The following NUDC variants were observed in gnomAD, a reference collection of about 807,000 sequenced individuals.
NUDC encodes the protein nuclear distribution C, dynein complex regulator.
Under a neutral mutation model 45.0 loss-of-function variants are expected in NUDC, and 14 were observed. The ratio of observed to expected loss-of-function variants is 0.31; its 90% CI spans 0.21 to 0.49. The LOEUF is 0.49. Among genes scored for constraint, NUDC ranks in the 20% least tolerant of loss-of-function variants. The probability of loss-of-function intolerance (pLI) is 0.99; values close to 1 mark genes in which losing one functional copy is unlikely to be tolerated. For missense variants in NUDC, 323 were observed against 426.2 expected, an observed-to-expected ratio of 0.76 and a Z score of 2.13; for synonymous variants, 153 against 156.7, an observed-to-expected ratio of 0.98 and a Z score of 0.17.
At chr1:26,944,064 T>G (rs562664817) in intron 6 of NUDC, among the ~76,000 whole-genome samples, 1 of 152,006 alleles carries the variant, frequency 6.6e-6, no homozygotes, top group Admixed American at 6.6e-5. Flanking sequence ...TCTGTTTTGT[T>G]TTCTATTTTT....
In NUDC at chr1:26,934,113, A is replaced by G. The variant is rs115929997; in HGVS notation, c.160-7344A>G. On this transcript the variant is annotated intron_variant, in intron 2 of 8. Coordinates refer to ENST00000321265, the MANE Select transcript of NUDC (RefSeq NM_006600.4). ...GGTTGCAGTGAGTCGAGATTGTGCT[A>G]TGGCACTCCAGCCTGTCGAGAGAGC... Among the ~76,000 whole-genome samples, 290 of 152,330 alleles carry G rather than the reference A, an allele frequency of 1.9e-3. 1 individual carries two copies. The highest frequency in any genetic ancestry group is 3.1e-3 in the Non-Finnish European group (213 of 68,028).
intron 6 of NUDC, among the ~76,000 whole-genome samples, chr1:26,943,977 A>G (rs1458509261): frequency 1.3e-5 from 2 of 151,538 alleles, no homozygotes; most frequent in East Asian, 3.9e-4. Context: ...TCCTGGGTTC[A>G]TGCCATTCTC....
chr1:26,933,616 G>T (rs1557676875), intron 2 of NUDC, among the ~76,000 whole-genome samples: 1 of 151,530 alleles, frequency 6.6e-6, no homozygotes, highest in Admixed American at 6.6e-5. Context: ...GTTTCACCAT[G>T]TTGGCCAGGT....
chr1:26,917,881 C>T (rs1156268440), upstream of NUDC, among the ~76,000 whole-genome samples: 1 of 148,216 alleles, frequency 6.7e-6, no homozygotes, highest in Non-Finnish European at 1.5e-5. Context: ...AGTGAGACTG[C>T]GTCTCAAAAA....
upstream of NUDC, among the ~76,000 whole-genome samples, chr1:26,919,949 G>T (rs2082080499): frequency 2.0e-5 from 3 of 152,204 alleles, no homozygotes; most frequent in South Asian, 6.2e-4. Flanking sequence ...GCAAGGCCCT[G>T]CCCTCAAGAG....
chr1:26,933,227 C>T (rs2082198028), intron 2 of NUDC, among the ~76,000 whole-genome samples: 1 of 151,626 alleles, frequency 6.6e-6, no homozygotes, highest in African/African-American at 2.4e-5. Context: ...ACCACCGCGC[C>T]CGGCCACAAT....
At chr1:26,908,588 C>T (rs949757958) in intron 2 of NUDC, among the ~76,000 whole-genome samples, 1 of 152,110 alleles carries the variant, frequency 6.6e-6, no homozygotes, top group Admixed American at 6.6e-5. Context: ...GAGACAGGGT[C>T]TTGCTCTGTC....
chr1:26,945,203 T>C (rs2082308685), intron 6 of NUDC, 187 bp from the exon 7 acceptor site: 1 of 641,014 alleles, frequency 1.6e-6, no homozygotes, highest in Non-Finnish European at 2.8e-6. Context: ...GATTTGTAAC[T>C]CTTTGCCTCT....
upstream of NUDC, among the ~76,000 whole-genome samples, chr1:26,919,313 G>GTA (rs1428567175): frequency 1.3e-5 from 2 of 151,986 alleles, no homozygotes; most frequent in Non-Finnish European, 2.9e-5. Context: ...TGTTACATAT[G>GTA]TATACATGTG....
intron 6 of NUDC, among the ~76,000 whole-genome samples, chr1:26,944,671 G>A (rs993116040): frequency 5.3e-5 from 8 of 151,922 alleles, no homozygotes; most frequent in African/African-American, 1.2e-4. Flanking sequence ...GCATGGTGGT[G>A]GGCGCCTGTA....
intron 3 of NUDC, chr1:26,911,649 G>T (rs947967126): frequency 3.4e-5 from 22 of 645,326 alleles, no homozygotes; most frequent in Non-Finnish European, 6.1e-5. Context: ...AAGCCTCCCA[G>T]GCAGCTGGAA....
chr1:26,901,223 G>A (rs2081977193), intron 1 of NUDC, among the ~76,000 whole-genome samples: 2 of 150,962 alleles, frequency 1.3e-5, no homozygotes, highest in South Asian at 2.1e-4. Context: ...CTGGAGTGCT[G>A]GGACCACAGA....
At chr1:26,928,854 G>A (rs35496827) in intron 2 of NUDC, among the ~76,000 whole-genome samples, 2,639 of 152,296 alleles carry the variant, frequency 0.017, 41 homozygotes, top group Non-Finnish European at 0.025. Context: ...TATGGAAAAC[G>A]TTATGGCGGT....
In NUDC at chr1:26,911,767, G is replaced by A. The variant is rs953374399; in HGVS notation, c.93+532G>A. 8.2e-6 allele frequency: 13 copies of A among 1,581,324 alleles called. No homozygotes were observed. The African/African-American group carries it at 1.7e-4, about 21-fold the overall frequency. On this transcript the variant is annotated intron_variant, in intron 3 of 6. Coordinates refer to the NUDC transcript ENST00000435827. ...AGGCTTGCCCCCTCCAGGAGCATTG[G>A]GTCACCTCTGGGGATGGCCAGGCTG...
chr1:26,940,368 C>T (rs189360715), intron 2 of NUDC, among the ~76,000 whole-genome samples: 4 of 151,830 alleles, frequency 2.6e-5, no homozygotes, highest in East Asian at 2.0e-4. Flanking sequence ...CCCAGCTACT[C>T]GGGAGGCTAA....
chr1:26,922,873 G>T (rs1570722829), intron 1 of NUDC, among the ~76,000 whole-genome samples: 2 of 152,340 alleles, frequency 1.3e-5, no homozygotes, highest in East Asian at 3.9e-4. Flanking sequence ...ATTTGCAAGT[G>T]TGAAAAGCCT....
chr1:26,922,064 A>G, intron 1 of NUDC, 135 bp downstream of exon 1: 1 of 928,002 alleles, frequency 1.1e-6, no homozygotes, highest in Non-Finnish European at 1.6e-6. Flanking sequence ...CACTGCGCCC[A>G]GCTTCCGGCC....
At chr1:26,913,916 A>G in intron 3 of NUDC, 1 of 1,480,406 alleles carries the variant, frequency 6.8e-7, no homozygotes, top group Admixed American at 2.3e-5. Flanking sequence ...TGGCATGGGC[A>G]GGCCCCTGGT....
rs1195003970 is a variant in NUDC, at chr1:26,921,803, C to T, written c.-46C>T. 3.3e-6 allele frequency: 5 copies of T among 1,536,110 alleles called. No individual in the cohort carries two copies. The highest frequency in any genetic ancestry group is 3.9e-5 in the Admixed American group (2 of 50,944). ...GCGACCCGCAGGAGCGTAGAGAGCG[C>T]GGGACTAGAGTGCAGAGCTCCGGGA... On this transcript the variant is annotated 5_prime_UTR_variant, in exon 1 of 9. Transcript: ENST00000321265.
Sources: gnomAD v4.1 joint callset for allele counts (sites outside exome capture counted in the v4.1 genomes callset) on GRCh38, gnomAD v4.1.1 for gene constraint, MANE v1.5 for transcripts, NCBI Gene and HGNC (gene_info 2026-07-23, HGNC 2026-07-21) for gene names.